The following PTPRD variants were observed in gnomAD, a reference collection of about 807,000 sequenced individuals.
PTPRD encodes the protein receptor-type tyrosine-protein phosphatase delta.
A neutral mutation model predicts 214.5 loss-of-function variants in PTPRD; 34 were observed. The ratio of observed to expected loss-of-function variants is 0.16; its 90% CI spans 0.12 to 0.21. The LOEUF (loss-of-function observed/expected upper bound fraction) is 0.21, where lower values mean the gene tolerates loss of function less well. Among genes scored for constraint, PTPRD ranks in the 10% least tolerant of loss-of-function variants. The pLI is 1.00. For missense variants in PTPRD, 2,545 were observed against 2,398.7 expected (o/e 1.06, Z -1.27); for synonymous variants, 1,128 against 845.7 (o/e 1.33, Z -5.79).
chr9:8,331,467 G>C, intron 44 of PTPRD, 115 bp downstream of exon 44: 1 of 1,191,214 alleles, frequency 8.4e-7, no homozygotes, highest in Non-Finnish European at 1.2e-6. Flanking sequence ...TTTAAGTTTT[G>C]TAATACATTG....
rs571608308 is a variant in PTPRD, at chr9:9,245,488, A to G, written c.-202-62125T>C. On this transcript the variant is annotated intron_variant, in intron 9 of 45. Coordinates refer to ENST00000381196, the MANE Select transcript of PTPRD (RefSeq NM_002839.4). ...TTTGTAGGGACATGGATGAAGCTGG[A>G]AACCATCATTCTCAGCAAACTATTG... is the stretch of plus-strand genomic sequence containing the variant. 2.0e-5 allele frequency among the ~76,000 whole-genome samples: 3 copies of G among 152,232 alleles called. No individual in the cohort carries two copies. In the South Asian group the frequency reaches 6.2e-4, roughly 32 times the overall value.
chr9:9,391,636 G>A (rs1180882045), intron 9 of PTPRD, among the ~76,000 whole-genome samples: 1 of 152,018 alleles, frequency 6.6e-6, no homozygotes. Flanking sequence ...TTATTTTGTT[G>A]GTGCAACTTA....
intron 10 of PTPRD, among the ~76,000 whole-genome samples, chr9:9,020,186 T>G (rs2099559244): frequency 6.6e-6 from 1 of 152,188 alleles, no homozygotes; most frequent in South Asian, 2.1e-4. Flanking sequence ...CTTTAATGCA[T>G]GCAGTATATT....
chr9:9,827,330 C>T (rs983973042), intron 5 of PTPRD, among the ~76,000 whole-genome samples: 8 of 152,010 alleles, frequency 5.3e-5, no homozygotes, highest in African/African-American at 1.9e-4. Context: ...TGGAACAGAA[C>T]AGAGCCCTCA....
intron 4 of PTPRD, among the ~76,000 whole-genome samples, chr9:9,942,098 T>G (rs1338613223): frequency 1.3e-5 from 2 of 152,164 alleles, no homozygotes; most frequent in Admixed American, 6.5e-5. Flanking sequence ...GACAAAATAT[T>G]ACTCTCACAC....
chr9:9,483,707 G>C (rs923026346), intron 8 of PTPRD, among the ~76,000 whole-genome samples: 1 of 151,778 alleles, frequency 6.6e-6, no homozygotes, highest in Admixed American at 6.6e-5. Context: ...TGGATGCTCT[G>C]AGCCCAAGGA....
chr9:9,826,763 G>C (rs915841763), intron 5 of PTPRD, among the ~76,000 whole-genome samples: 7 of 151,956 alleles, frequency 4.6e-5, no homozygotes, highest in Non-Finnish European at 1.0e-4. Flanking sequence ...AAACCCCATT[G>C]TCTCAGCCCA....
chr9:8,904,878 A>G (rs1256508569), intron 11 of PTPRD, among the ~76,000 whole-genome samples: 3 of 152,158 alleles, frequency 2.0e-5, no homozygotes, highest in Admixed American at 6.5e-5. Context: ...CATGTTTCTG[A>G]TATATAAAAA....
At chr9:10,502,447 G>T (rs1294963560) in intron 2 of PTPRD, among the ~76,000 whole-genome samples, 1 of 151,900 alleles carries the variant, frequency 6.6e-6, no homozygotes, top group Admixed American at 6.6e-5. Flanking sequence ...TTTAAAATTA[G>T]TATTAATCTC....
chr9:9,961,600 C>T (rs2094368894), intron 4 of PTPRD, among the ~76,000 whole-genome samples: 1 of 152,050 alleles, frequency 6.6e-6, no homozygotes, highest in South Asian at 2.1e-4. Context: ...TATTTTTGCC[C>T]TTACAGTGAT....
intron 7 of PTPRD, among the ~76,000 whole-genome samples, chr9:9,681,904 T>A (rs2097081083): frequency 6.6e-6 from 1 of 151,668 alleles, no homozygotes; most frequent in South Asian, 2.1e-4. Context: ...TGCAGGAAAA[T>A]CATTTACATT....
intron 8 of PTPRD, among the ~76,000 whole-genome samples, chr9:9,565,354 T>C (rs1193417133): frequency 6.6e-6 from 1 of 151,856 alleles, no homozygotes; most frequent in Non-Finnish European, 1.5e-5. Context: ...ACACTTCTGA[T>C]GAGTGAAATG....
At chr9:8,369,997 A>G (rs566885610) in intron 39 of PTPRD, among the ~76,000 whole-genome samples, 134 of 152,188 alleles carry the variant, frequency 8.8e-4, no homozygotes, top group African/African-American at 3.0e-3. Context: ...AAATTATTCT[A>G]TAAAACAACA....
chr9:10,125,901 T>C (rs1379113932), intron 3 of PTPRD, among the ~76,000 whole-genome samples: 7 of 152,126 alleles, frequency 4.6e-5, no homozygotes, highest in African/African-American at 1.7e-4. Context: ...ATGTAAAATG[T>C]CTAAAGATAT....
chr9:9,025,439 T>G (rs2099583731), intron 10 of PTPRD, among the ~76,000 whole-genome samples: 1 of 152,050 alleles, frequency 6.6e-6, no homozygotes, highest in African/African-American at 2.4e-5. Context: ...TGAGCAGATG[T>G]GTATTCCTGT....
chr9:9,268,023 G>C (rs1217014975), intron 9 of PTPRD, among the ~76,000 whole-genome samples: 1 of 150,996 alleles, frequency 6.6e-6, no homozygotes, highest in African/African-American at 2.4e-5. Flanking sequence ...GGAAGTTCTT[G>C]CCTGAGAAAT....
intron 2 of PTPRD, among the ~76,000 whole-genome samples, chr9:10,489,335 CA>C: frequency 6.6e-6 from 1 of 152,122 alleles, no homozygotes; most frequent in South Asian, 2.1e-4. Flanking sequence ...ATCCAAGATG[CA>C]AAACAAAGTC....
chr9:8,714,164 A>C (rs2098403715), intron 12 of PTPRD, among the ~76,000 whole-genome samples: 3 of 152,234 alleles, frequency 2.0e-5, no homozygotes, highest in Admixed American at 2.0e-4. Context: ...GTTCTTGGAC[A>C]TCCATCACTT....
At chr9:8,799,227 T>A (rs896321285) in intron 11 of PTPRD, among the ~76,000 whole-genome samples, 1 of 152,218 alleles carries the variant, frequency 6.6e-6, no homozygotes, top group Non-Finnish European at 1.5e-5. Flanking sequence ...AGTAGTCTGG[T>A]AGCAATCACT....
Sources: allele counts gnomAD v4.1 joint callset (sites outside exome capture counted in the v4.1 genomes callset), GRCh38; gene constraint gnomAD v4.1.1; transcripts MANE v1.5; gene names NCBI Gene and HGNC (gene_info 2026-07-23, HGNC 2026-07-21).